The following PTCHD4 variants were observed in gnomAD, a reference collection of about 807,000 sequenced individuals.
The protein encoded by PTCHD4 is patched domain-containing protein 4.
PTCHD4 carries 33 observed loss-of-function variants against 58.1 expected under a neutral mutation model. The observed-to-expected ratio is 0.57, with a 90% CI of 0.43 to 0.76. The LOEUF (loss-of-function observed/expected upper bound fraction) is 0.76. Ranked by LOEUF, PTCHD4 falls within the 30% of genes least tolerant of loss-of-function variation. PTCHD4 has a pLI of 0.00. For missense variants in PTCHD4, 1,058 were observed against 1,027.1 expected, an observed-to-expected ratio of 1.03 and a Z score of -0.41; for synonymous variants, 478 against 409.6, an observed-to-expected ratio of 1.17 and a Z score of -2.02.
At chr6:48,054,614 T>C (rs914996845) in intron 3 of PTCHD4, among the ~76,000 whole-genome samples, 41 of 152,270 alleles carry the variant, frequency 2.7e-4, no homozygotes, top group African/African-American at 9.1e-4. Flanking sequence ...CCAGAAGTAT[T>C]CTAAAGTTAC....
chr6:47,993,276 C>T (rs1355542047), intron 4 of PTCHD4, among the ~76,000 whole-genome samples: 3 of 152,032 alleles, frequency 2.0e-5, no homozygotes, highest in Non-Finnish European at 4.4e-5. Flanking sequence ...TGCCAGCCTC[C>T]GATTTTACCA....
Position 48,068,509 on chromosome 6 carries a change from G to C in PTCHD4, c.138C>G (p.Pro46=), listed in dbSNP as rs1403415332. ...SRHPVFFLTV[P]AVLTITFGLS... is the part of the protein sequence containing the mutation. ...GGCCGAAGGTGATTGTCAGGACTGC[G>C]GGCACGGTGAGGAAAAAGACCGGGT... Residue 46 remains proline (P), a synonymous_variant, in exon 3 of 5, where the codon CCC becomes CCG. Coordinates refer to ENST00000339488, the MANE Select transcript of PTCHD4 (RefSeq NM_001384253.1). The surrounding 1 kb of genome is among the most constrained non-coding windows in gnomAD (Gnocchi z 4.2). The C allele has an allele frequency of 6.2e-7, 1 of 1,612,780 alleles. No homozygotes were observed. Among genetic ancestry groups the C allele is most frequent in the African/African-American group, 1.3e-5 (1 of 74,914 alleles).
rs1763410042 is a variant in PTCHD4 at position 47,860,859 on chromosome 6, C to T, written c.*17444G>A. Among the ~76,000 whole-genome samples the T allele has an allele frequency of 6.6e-6, 1 of 151,888 alleles. No individual in the cohort carries two copies. Among genetic ancestry groups the T allele is most frequent in the African/African-American group, 2.4e-5 (1 of 41,394 alleles). On this transcript the variant is annotated 3_prime_UTR_variant, in exon 5 of 5. Coordinates refer to ENST00000339488, the MANE Select transcript of PTCHD4 (RefSeq NM_001384253.1). Reference sequence around the variant, plus strand: ...AATACTTTCATAAAAATTATTTATCCTGAGATAAACTCTTTATGATTTTTA... The same window carrying T: ...AATACTTTCATAAAAATTATTTATCTTGAGATAAACTCTTTATGATTTTTA...
chr6:47,929,312 T>C (rs1765733501), intron 4 of PTCHD4, among the ~76,000 whole-genome samples: 1 of 152,198 alleles, frequency 6.6e-6, no homozygotes, highest in African/African-American at 2.4e-5. Context: ...TTAAAAAGCA[T>C]TAAATAGGTC....
At chr6:47,967,127 C>T (rs149084818) in intron 4 of PTCHD4, among the ~76,000 whole-genome samples, 20 of 152,256 alleles carry the variant, frequency 1.3e-4, no homozygotes, top group Non-Finnish European at 2.5e-4. Flanking sequence ...AATAATAAGA[C>T]TTGAAGGTCA....
At chr6:47,903,144 G>T (rs1398731462) in intron 4 of PTCHD4, among the ~76,000 whole-genome samples, 1 of 152,126 alleles carries the variant, frequency 6.6e-6, no homozygotes, top group African/African-American at 2.4e-5. Flanking sequence ...CTTAATTTGA[G>T]CACAAAGATG....
At chr6:47,926,195 T>A (rs902962088) in intron 4 of PTCHD4, among the ~76,000 whole-genome samples, 2 of 152,190 alleles carry the variant, frequency 1.3e-5, no homozygotes, top group South Asian at 4.1e-4. Flanking sequence ...AGGTGAGTGC[T>A]CTAGGTTGAC....
chr6:47,957,368 T>A (rs1766903576), intron 4 of PTCHD4, among the ~76,000 whole-genome samples: 1 of 149,774 alleles, frequency 6.7e-6, no homozygotes, highest in African/African-American at 2.4e-5. Flanking sequence ...TTACTGTAGG[T>A]AAAATTTCCA....
At chr6:48,032,633 T>C (rs1245372237) in intron 3 of PTCHD4, among the ~76,000 whole-genome samples, 9 of 152,148 alleles carry the variant, frequency 5.9e-5, no homozygotes, top group Non-Finnish European at 1.5e-5. Context: ...CTGGTTATAA[T>C]AAAATGGACA....
intron 4 of PTCHD4, among the ~76,000 whole-genome samples, chr6:47,917,252 A>G (rs1003585620): frequency 1.3e-5 from 2 of 152,102 alleles, no homozygotes; most frequent in Non-Finnish European, 2.9e-5. Flanking sequence ...ATCAGAGTAA[A>G]AGAATTAGTC....
intron 4 of PTCHD4, among the ~76,000 whole-genome samples, chr6:48,000,828 C>T (rs993948221): frequency 6.6e-6 from 1 of 152,200 alleles, no homozygotes; most frequent in South Asian, 2.1e-4. Flanking sequence ...GTTTCTTCCT[C>T]TCTCTGCTTT....
In PTCHD4 at chr6:47,863,188, T is replaced by C. The variant is rs1033377312; in HGVS notation, c.*15115A>G. Among the ~76,000 whole-genome samples the C allele has an allele frequency of 6.6e-6, 1 of 151,920 alleles. No individual in the cohort carries two copies. Among genetic ancestry groups the C allele is most frequent in the Non-Finnish European group, 1.5e-5 (1 of 67,888 alleles). On this transcript the variant is annotated 3_prime_UTR_variant, in exon 5 of 5. Coordinates refer to ENST00000339488, the MANE Select transcript of PTCHD4 (RefSeq NM_001384253.1). ...ATGCAGGGGCAGATCAAAATTTTGTTGAGCCTGAAGTGTATACATTTTTGG... is the reference window on the plus strand; with the variant it reads ...ATGCAGGGGCAGATCAAAATTTTGTCGAGCCTGAAGTGTATACATTTTTGG...
At chr6:48,094,028 AATTGTTATGGGAACACAT>A (rs1765415261) in intron 1 of PTCHD4, among the ~76,000 whole-genome samples, 1 of 152,232 alleles carries the variant, frequency 6.6e-6, no homozygotes. Flanking sequence ...GGTGCATATG[AATTGTTATGGGAACACAT>A]AGAAAAGAGG....
chr6:48,048,824 AGAGTTTTTCCTCAGT>A, intron 3 of PTCHD4, among the ~76,000 whole-genome samples: 1 of 152,140 alleles, frequency 6.6e-6, no homozygotes, highest in East Asian at 1.9e-4. Flanking sequence ...ACAAGGTTAG[AGAGTTTTTCCTCAGT>A]GGAGAATATA....
At chr6:47,984,791 A>C (rs1202139891) in intron 4 of PTCHD4, among the ~76,000 whole-genome samples, 1 of 152,058 alleles carries the variant, frequency 6.6e-6, no homozygotes, top group Non-Finnish European at 1.5e-5. Flanking sequence ...ATTTGTCATA[A>C]TTGCACTTAT....
intron 4 of PTCHD4, among the ~76,000 whole-genome samples, chr6:47,905,311 T>C (rs1764842337): frequency 6.6e-6 from 1 of 152,178 alleles, no homozygotes; most frequent in African/African-American, 2.4e-5. Context: ...GGGCCACTAA[T>C]TGAAGTCCAG....
At chr6:48,100,297 G>T (rs886843335) in intron 1 of PTCHD4, among the ~76,000 whole-genome samples, 2 of 152,236 alleles carry the variant, frequency 1.3e-5, no homozygotes, top group African/African-American at 4.8e-5. Context: ...TAATGAATAT[G>T]GATTGTAAAA....
At chr6:47,886,259 T>C (rs188048019) in intron 4 of PTCHD4, among the ~76,000 whole-genome samples, 3 of 152,252 alleles carry the variant, frequency 2.0e-5, no homozygotes, top group Non-Finnish European at 4.4e-5. Flanking sequence ...TGAAATTCAA[T>C]TGGAACTAAT....
chr6:47,942,948 G>C (rs1561969567), intron 4 of PTCHD4, among the ~76,000 whole-genome samples: 1 of 152,100 alleles, frequency 6.6e-6, no homozygotes, highest in Non-Finnish European at 1.5e-5. Flanking sequence ...ATATTCTGTG[G>C]CAATTCTGTG....
Sources: gnomAD v4.1 joint callset for allele counts (sites outside exome capture counted in the v4.1 genomes callset) on GRCh38, gnomAD v4.1.1 for gene constraint, Gnocchi (gnomAD v3.1) non-coding constraint, MANE v1.5 for transcripts, NCBI Gene and HGNC (gene_info 2026-07-23, HGNC 2026-07-21) for gene names.